The following TNKS variants were observed in gnomAD, a reference collection of about 807,000 sequenced individuals.
TNKS encodes tankyrase, also known as poly [ADP-ribose] polymerase tankyrase-1.
Under a neutral mutation model 135.8 loss-of-function variants are expected in TNKS, and 72 were observed. The observed-to-expected ratio is 0.53, with a 90% confidence interval of 0.44 to 0.64. TNKS has a LOEUF of 0.64. Among genes scored for constraint, TNKS ranks in the 30% least tolerant of loss-of-function variants. The pLI is 0.00. For synonymous variants in TNKS, 849 were observed against 649.3 expected (o/e 1.31, Z -4.68); for missense variants, 1,769 against 1,674.0 (o/e 1.06, Z -0.99).
chr8:9,640,792 T>G (rs1357589704), intron 3 of TNKS, among the ~76,000 whole-genome samples: 1 of 146,016 alleles, frequency 6.8e-6, no homozygotes, highest in Admixed American at 7.2e-5. Context: ...GAGACCATGA[T>G]TAAGTGATAT....
chr8:9,575,267 T>G, intron 1 of TNKS: 1 of 543,154 alleles, frequency 1.8e-6, no homozygotes, highest in Non-Finnish European at 2.3e-6. Context: ...TTTGTATATT[T>G]AGTAGAGACG....
rs141755534 is a variant in TNKS at position 9,606,120 on chromosome 8, G to C, written c.899-9462G>C. On this transcript the variant is annotated intron_variant, in intron 2 of 26. Transcript: ENST00000310430. ...AGTCTGTAGTCCAGTTTGAGTTAAT[G>C]TGTTTGTGTGGTGTGCGGTAAGAGT... is the stretch of plus-strand genomic sequence containing the variant. Among the ~76,000 whole-genome samples, 312 of 147,236 alleles carry C rather than the reference G, an allele frequency of 2.1e-3. 3 individuals carry two copies. The highest frequency in any genetic ancestry group is 7.4e-3 in the African/African-American group (300 of 40,346).
chr8:9,734,635 C>A (rs1805598155), intron 15 of TNKS, among the ~76,000 whole-genome samples: 1 of 152,142 alleles, frequency 6.6e-6, no homozygotes, highest in Non-Finnish European at 1.5e-5. Context: ...TAACACTCTC[C>A]CTACTTTATC....
At chr8:9,776,512 G>C (rs11777880) in intron 26 of TNKS, 138 bp from the exon 27 acceptor site, 20,389 of 681,862 alleles carry the variant, frequency 0.03, 403 homozygotes, top group Middle Eastern at 0.044. Flanking sequence ...ACCTCAAATT[G>C]TTCAGGCACC....
chr8:9,774,792 G>A (rs948798009), intron 26 of TNKS, among the ~76,000 whole-genome samples: 8 of 152,166 alleles, frequency 5.3e-5, no homozygotes, highest in Non-Finnish European at 1.2e-4. Flanking sequence ...CTTAAATCAT[G>A]AGCTACCTAA....
chr8:9,560,878 G>A (rs1407630225), intron 1 of TNKS, among the ~76,000 whole-genome samples: 1 of 151,886 alleles, frequency 6.6e-6, no homozygotes, highest in Non-Finnish European at 1.5e-5. Flanking sequence ...AGTTTACAGA[G>A]AACTTTTAGT....
At chr8:9,765,420 A>G (rs1807375817) in intron 23 of TNKS, among the ~76,000 whole-genome samples, 1 of 152,104 alleles carries the variant, frequency 6.6e-6, no homozygotes, top group African/African-American at 2.4e-5. Flanking sequence ...ATGCCTAAAC[A>G]TAACCTTTTT....
intron 3 of TNKS, among the ~76,000 whole-genome samples, chr8:9,618,840 C>A (rs1799751334): frequency 6.6e-6 from 1 of 152,026 alleles, no homozygotes; most frequent in African/African-American, 2.4e-5. Context: ...TGTGAGCATC[C>A]CACTGTCTTA....
intron 17 of TNKS, among the ~76,000 whole-genome samples, 163 bp from the exon 18 acceptor site, chr8:9,747,861 G>A (rs1227597843): frequency 1.3e-5 from 2 of 152,154 alleles, no homozygotes; most frequent in Non-Finnish European, 2.9e-5. Flanking sequence ...AGTCCAAAGT[G>A]TAAGTAGAAG....
intron 5 of TNKS, among the ~76,000 whole-genome samples, chr8:9,690,075 AT>A (rs773190345): frequency 2.6e-5 from 4 of 152,140 alleles, no homozygotes; most frequent in South Asian, 2.1e-4. Flanking sequence ...GAAACCTTTG[AT>A]TTTTTTCTTT....
At chr8:9,604,184 T>C (rs1343208149) in intron 2 of TNKS, among the ~76,000 whole-genome samples, 1 of 152,158 alleles carries the variant, frequency 6.6e-6, no homozygotes, top group Non-Finnish European at 1.5e-5. Flanking sequence ...TCAGTGTAGA[T>C]ATATTATGTT....
At chr8:9,741,556 G>A in intron 17 of TNKS, 1 of 250,584 alleles carries the variant, frequency 4.0e-6, no homozygotes, top group South Asian at 4.7e-5. Context: ...GCGTTAAGAT[G>A]TGTTCTACTG....
chr8:9,693,045 C>G (rs1326424814), intron 5 of TNKS, among the ~76,000 whole-genome samples: 2 of 152,138 alleles, frequency 1.3e-5, no homozygotes, highest in African/African-American at 4.8e-5. Flanking sequence ...TTTAATAAAG[C>G]TAATTATGTG....
chr8:9,638,431 C>G (rs546055039), intron 3 of TNKS, among the ~76,000 whole-genome samples: 16 of 152,184 alleles, frequency 1.1e-4, no homozygotes, highest in Non-Finnish European at 2.4e-4. Flanking sequence ...TAAAAATCTT[C>G]TGTTTTCTGG....
chr8:9,657,929 C>T (rs1190367974), intron 3 of TNKS, among the ~76,000 whole-genome samples: 42 of 73,896 alleles, frequency 5.7e-4, no homozygotes, highest in African/African-American at 9.2e-4. Context: ...TCAGACGGGG[C>T]GGCCGGGCAG....
At chr8:9,706,368 T>C (rs961141934) in intron 7 of TNKS, 115 bp downstream of exon 7, 3 of 805,536 alleles carry the variant, frequency 3.7e-6, no homozygotes, top group Non-Finnish European at 5.6e-6. Flanking sequence ...TGGGGTTTTT[T>C]GTTTGTTTGT....
At position 9,583,755 on chromosome 8, in the gene TNKS, G is replaced by A. The variant is rs949779037; in HGVS notation, c.898+3372G>A. On this transcript the variant is annotated intron_variant, in intron 2 of 26. Transcript: ENST00000310430. Reference sequence around the variant, plus strand: ...GCCTGTCTCAGCCTCCCAAAGTCCTGGGATTGTAGGCGTGAGCCACCGCAC... The same window carrying A: ...GCCTGTCTCAGCCTCCCAAAGTCCTAGGATTGTAGGCGTGAGCCACCGCAC... 1.6e-4 allele frequency among the ~76,000 whole-genome samples: 25 copies of A among 151,980 alleles called. 1 individual carries two copies. Among genetic ancestry groups the A allele is most frequent in the Non-Finnish European group, 3.1e-4 (21 of 67,988 alleles).
intron 18 of TNKS, among the ~76,000 whole-genome samples, chr8:9,750,648 A>C (rs1001528224): frequency 3.3e-5 from 5 of 152,128 alleles, no homozygotes; most frequent in Non-Finnish European, 7.4e-5. Flanking sequence ...AACCAAAGCC[A>C]CATGTCCACC....
intron 20 of TNKS, among the ~76,000 whole-genome samples, chr8:9,759,974 T>A (rs555079201): frequency 6.7e-6 from 1 of 148,984 alleles, no homozygotes; most frequent in Non-Finnish European, 1.5e-5. Context: ...CGAGACTCTG[T>A]CTCAAAAGAA....
Sources: gnomAD v4.1 joint callset for allele counts (sites outside exome capture counted in the v4.1 genomes callset) on GRCh38, gnomAD v4.1.1 for gene constraint, MANE v1.5 for transcripts, NCBI Gene and HGNC (gene_info 2026-07-23, HGNC 2026-07-21) for gene names.